Variants in PCDHGB2 observed in about 807,000 individuals in gnomAD.
PCDHGB2 encodes the protein protocadherin gamma-B2.
PCDHGB2 carries 55 observed loss-of-function variants against 59.3 expected under a neutral mutation model. The ratio of observed to expected loss-of-function variants is 0.93; its 90% CI spans 0.75 to 1.16. The LOEUF (loss-of-function observed/expected upper bound fraction) is 1.16, where lower values mean the gene tolerates loss of function less well. Ranked by LOEUF, PCDHGB2 falls within the 50% of genes most tolerant of loss-of-function variation. The probability of loss-of-function intolerance (pLI) is 0.00; values close to 1 mark genes in which losing one functional copy is unlikely to be tolerated. For missense variants in PCDHGB2, 1,228 were observed against 1,198.5 expected (o/e 1.02, Z -0.36); for synonymous variants, 516 against 512.0 (o/e 1.01, Z -0.11).
At chr5:141,385,503 C>A in intron 1 of PCDHGB2, 1 of 1,379,554 alleles carries the variant, frequency 7.2e-7, no homozygotes, top group Non-Finnish European at 9.4e-7. Context: ...TATAGTATTT[C>A]TTTAGTGAAA....
intron 1 of PCDHGB2, chr5:141,384,982 G>A: frequency 6.2e-7 from 1 of 1,614,144 alleles, no homozygotes; most frequent in South Asian, 1.1e-5. Context: ...GTACCTGGTG[G>A]TGGCGGTGGC....
At chr5:141,460,453 A>T (rs1487816393) in intron 1 of PCDHGB2, among the ~76,000 whole-genome samples, 3 of 152,152 alleles carry the variant, frequency 2.0e-5, no homozygotes, top group Non-Finnish European at 4.4e-5. Flanking sequence ...ATGAAGATTC[A>T]TATTTTTTTC....
chr5:141,427,028 C>T (rs960885416), intron 1 of PCDHGB2: 12 of 456,928 alleles, frequency 2.6e-5, no homozygotes, highest in Admixed American at 2.1e-4. Flanking sequence ...ACAAAGTCAG[C>T]CTTAGAGAGA....
intron 1 of PCDHGB2, chr5:141,422,019 G>C: frequency 6.2e-7 from 1 of 1,610,862 alleles, no homozygotes; most frequent in Non-Finnish European, 8.5e-7. Context: ...GGGTGCTGAT[G>C]GTTAATGCAA....
At chr5:141,376,228 A>G (rs762009445) in intron 1 of PCDHGB2, 17 of 1,613,956 alleles carry the variant, frequency 1.1e-5, no homozygotes, top group Admixed American at 3.3e-5. Context: ...TGGCGCTCAG[A>G]CTGCAGCGCT....
intron 2 of PCDHGB2, among the ~76,000 whole-genome samples, chr5:141,496,628 C>T (rs928402582): frequency 2.0e-5 from 3 of 152,212 alleles, no homozygotes; most frequent in Non-Finnish European, 2.9e-5. Flanking sequence ...GATCAAAAGG[C>T]TTGGGCTGCC....
intron 1 of PCDHGB2, chr5:141,372,483 G>C: frequency 1.2e-6 from 2 of 1,614,028 alleles, no homozygotes; most frequent in Non-Finnish European, 1.7e-6. Flanking sequence ...AGTGGCGTTG[G>C]CCTTGATCTC....
chr5:141,389,200 A>C, intron 1 of PCDHGB2: 1 of 1,614,034 alleles, frequency 6.2e-7, no homozygotes, highest in Non-Finnish European at 8.5e-7. Context: ...ATCACCCTGC[A>C]CATTGGTGAT....
At position 141,485,049 on chromosome 5, in the gene PCDHGB2, G is replaced by A; in HGVS notation, c.2422-9758G>A. The A allele has an allele frequency of 1.3e-6, 1 of 780,438 alleles. No individual in the cohort carries two copies. 48.3% of individuals were successfully genotyped at this position (780,438 alleles called of 1,614,324 possible). ...AACGGCGCGTAACCCTTGCGGCGCC[G>A]GCCGAACCGCGCCAGAGCTGGCGCG... On this transcript the variant is annotated intron_variant, in intron 1 of 3. Coordinates refer to ENST00000522605, the MANE Select transcript of PCDHGB2 (RefSeq NM_018923.3). This position sits in a 1 kb window ranked among gnomAD's most constrained non-coding sequence, Gnocchi z 5.7.
intron 1 of PCDHGB2, chr5:141,366,822 T>C: frequency 6.5e-7 from 1 of 1,538,974 alleles, no homozygotes; most frequent in Non-Finnish European, 8.8e-7. Flanking sequence ...TTCTGTCATA[T>C]TCAGAATCAG....
intron 1 of PCDHGB2, chr5:141,389,310 G>A: frequency 6.2e-7 from 1 of 1,614,018 alleles, no homozygotes; most frequent in Non-Finnish European, 8.5e-7. Context: ...CAGGGCTTCT[G>A]ATCCGGACTT....
intron 3 of PCDHGB2, among the ~76,000 whole-genome samples, chr5:141,509,437 C>T (rs923580110): frequency 2.6e-5 from 4 of 152,104 alleles, no homozygotes; most frequent in African/African-American, 9.7e-5. Context: ...ACTCTTGTTT[C>T]CTCCTCTCCC....
intron 2 of PCDHGB2, among the ~76,000 whole-genome samples, chr5:141,495,678 C>T (rs1340336428): frequency 6.6e-6 from 1 of 152,180 alleles, no homozygotes; most frequent in African/African-American, 2.4e-5. Context: ...CTGTGCCTGC[C>T]ATGGCATAAG....
At chr5:141,419,916 C>T in intron 1 of PCDHGB2, 1 of 1,614,080 alleles carries the variant, frequency 6.2e-7, no homozygotes, top group Non-Finnish European at 8.5e-7. Context: ...GACTCCCAGG[C>T]TGAGATGCAG....
intron 1 of PCDHGB2, among the ~76,000 whole-genome samples, chr5:141,449,007 T>A (rs937327801): frequency 3.3e-5 from 5 of 152,116 alleles, no homozygotes; most frequent in African/African-American, 1.2e-4. Context: ...CTGTTTTTTT[T>A]AACAGTTGCT....
intron 1 of PCDHGB2, among the ~76,000 whole-genome samples, chr5:141,449,868 T>C (rs902371897): frequency 1.3e-5 from 2 of 151,910 alleles, no homozygotes; most frequent in African/African-American, 4.8e-5. Flanking sequence ...AATCAGAAAA[T>C]TTAACATCAA....
intron 3 of PCDHGB2, among the ~76,000 whole-genome samples, chr5:141,508,937 G>T (rs764041162): frequency 3.0e-4 from 45 of 152,040 alleles, no homozygotes; most frequent in Non-Finnish European, 6.3e-4. Flanking sequence ...AGTTAATTAG[G>T]GAAAACAGAG....
intron 1 of PCDHGB2, chr5:141,412,995 T>G: frequency 1.7e-6 from 1 of 572,718 alleles, no homozygotes. Flanking sequence ...TCAATCCGGA[T>G]TCTCAGGGCT....
Position 141,370,565 on chromosome 5 carries a change from C to T in PCDHGB2, c.2421+8009C>T, listed in dbSNP as rs776498616. ...ACCTCGCCAAGGACCTGGGGTTTGG[C>T]GTGGGGGATTTACCTACTAGGAACC... On this transcript the variant is annotated intron_variant, in intron 1 of 3. Transcript: ENST00000522605. The T allele has an allele frequency of 1.9e-5, 31 of 1,613,664 alleles. No individual in the cohort carries two copies. In the Admixed American group the frequency reaches 5.2e-4, roughly 27 times the overall value.
Sources: gnomAD v4.1 joint callset for allele counts (sites outside exome capture counted in the v4.1 genomes callset) on GRCh38, gnomAD v4.1.1 for gene constraint, Gnocchi (gnomAD v3.1) non-coding constraint, MANE v1.5 for transcripts, NCBI Gene and HGNC (gene_info 2026-07-23, HGNC 2026-07-21) for gene names.